Variants in DET1 observed in about 807,000 individuals in gnomAD.
DET1 encodes DET1 homolog.
Under a neutral mutation model 43.7 loss-of-function variants are expected in DET1, and 22 were observed. The observed-to-expected ratio is 0.50, with a 90% CI of 0.36 to 0.72. DET1 has a LOEUF of 0.72. DET1 is among the 30% of genes least tolerant of loss of function. DET1 has a pLI of 0.00. For missense variants in DET1, 713 were observed against 713.3 expected (o/e 1.00, Z 0.00); for synonymous variants, 315 against 266.2 (o/e 1.18, Z -1.79).
chr15:88,513,931 C>G (rs2056271127), intron 4 of DET1, among the ~76,000 whole-genome samples: 1 of 148,708 alleles, frequency 6.7e-6, no homozygotes, highest in Non-Finnish European at 1.5e-5. Context: ...TCCCGAGTAG[C>G]TGGGACTACA....
At chr15:88,532,368 G>C (rs1166117256) in intron 1 of DET1, among the ~76,000 whole-genome samples, 2 of 152,142 alleles carry the variant, frequency 1.3e-5, no homozygotes, top group African/African-American at 4.8e-5. Flanking sequence ...TTATTGGGCT[G>C]TTAAGATATC....
At chr15:88,539,057 G>A (rs1298341694) in intron 1 of DET1, among the ~76,000 whole-genome samples, 1 of 151,798 alleles carries the variant, frequency 6.6e-6, no homozygotes, top group African/African-American at 2.4e-5. Context: ...TGAAGACCCA[G>A]GATGCTGGGG....
At chr15:88,541,542 G>A (rs114057174) in intron 1 of DET1, among the ~76,000 whole-genome samples, 2,508 of 152,178 alleles carry the variant, frequency 0.016, 77 homozygotes, top group African/African-American at 0.056. Context: ...AGAGAATTAC[G>A]GAGTCTGCCT....
At chr15:88,541,635 C>G (rs537522568) in intron 1 of DET1, among the ~76,000 whole-genome samples, 1 of 152,296 alleles carries the variant, frequency 6.6e-6, no homozygotes, top group African/African-American at 2.4e-5. Context: ...ATCATTGAAT[C>G]CTACAATTGT....
chr15:88,536,770 C>CAAAAAAAAAAAAAAA (rs58177778), intron 1 of DET1, among the ~76,000 whole-genome samples: 7 of 48,068 alleles, frequency 1.5e-4, no homozygotes, highest in South Asian at 1.8e-3. Context: ...GACTCCATCT[C>CAAAAAAAAAAAAAAA]AAAAAAAAAA....
At position 88,504,153 on chromosome 15, in the gene DET1, A is replaced by C. The variant is rs1325579135; in HGVS notation, c.*2066-166T>G. The C allele has an allele frequency of 6.6e-6, 1 of 152,206 alleles. No homozygotes were observed. Among genetic ancestry groups the C allele is most frequent in the Admixed American group, 6.5e-5 (1 of 15,268 alleles). 9.4% of individuals were successfully genotyped at this position (152,206 alleles called of 1,614,324 possible). ...GACTGGATTCCAGGATATTTCATTC[A>C]CATGGCTATCAGCAGGAAGCCTCAG... On this transcript the variant is annotated intron_variant and NMD_transcript_variant, in intron 7 of 8. Coordinates refer to the DET1 transcript ENST00000557842. The surrounding 1 kb of genome is among the most constrained non-coding windows in gnomAD (Gnocchi z 4.7).
chr15:88,531,939 C>A lies in DET1; in HGVS notation c.-10-224G>T. The A allele has an allele frequency of 1.9e-6, 1 of 513,644 alleles. No homozygotes were observed. The highest frequency in any genetic ancestry group is 3.4e-6 in the Non-Finnish European group (1 of 293,704). 31.8% of individuals were successfully genotyped at this position (513,644 alleles called of 1,614,324 possible). On this transcript the variant is annotated intron_variant, in intron 1 of 4. Transcript: ENST00000268148. The surrounding 1 kb of genome is among the most constrained non-coding windows in gnomAD (Gnocchi z 6.2). ...GAAGGATCTAGTTCACTAGGAATAC[C>A]TTCCAAGTATGCTCAGCTGTTGGGA... is the stretch of plus-strand genomic sequence containing the variant.
In DET1 at chr15:88,513,839, G is replaced by A. The variant is rs866977411; in HGVS notation, c.1464-699C>T. On this transcript the variant is annotated intron_variant, in intron 4 of 4. Transcript: ENST00000268148. ...TTTTGAGACGGAGTCTCGCTCTGTCGCCCAGGCTGGAGTGCAGTGGCGCGA... is the reference window on the plus strand; with the variant it reads ...TTTTGAGACGGAGTCTCGCTCTGTCACCCAGGCTGGAGTGCAGTGGCGCGA... Among the ~76,000 whole-genome samples the A allele has an allele frequency of 1.5e-3, 172 of 115,104 alleles. 2 individuals carry two copies. The highest frequency in any genetic ancestry group is 6.1e-3 in the African/African-American group (170 of 28,012). The allele number at this position is 115,104 out of a possible 152,430, so 75.5% of individuals were successfully genotyped here.
chr15:88,509,212 A>T (rs979251463), downstream of DET1, among the ~76,000 whole-genome samples: 9 of 152,098 alleles, frequency 5.9e-5, no homozygotes, highest in Non-Finnish European at 1.3e-4. Flanking sequence ...CCCAGGCTGG[A>T]GTAGTGAGGC....
chr15:88,538,159 A>G (rs553195390), intron 1 of DET1, among the ~76,000 whole-genome samples: 1 of 152,238 alleles, frequency 6.6e-6, no homozygotes, highest in African/African-American at 2.4e-5. Flanking sequence ...GGTTTTTACT[A>G]ACTCTGTTTT....
intron 1 of DET1, among the ~76,000 whole-genome samples, chr15:88,533,276 A>C (rs1477304048): frequency 6.6e-6 from 1 of 152,234 alleles, no homozygotes; most frequent in Non-Finnish European, 1.5e-5. Flanking sequence ...TTTTTAAAAA[A>C]AGAAAATGAC....
chr15:88,537,442 C>A (rs1028028074), intron 1 of DET1, among the ~76,000 whole-genome samples: 1 of 152,176 alleles, frequency 6.6e-6, no homozygotes, highest in Admixed American at 6.5e-5. Context: ...CTCAAGTGAT[C>A]TTTCTGCCTT....
At chr15:88,528,322 C>T (rs1257516048) in intron 2 of DET1, among the ~76,000 whole-genome samples, 1 of 152,184 alleles carries the variant, frequency 6.6e-6, no homozygotes, top group African/African-American at 2.4e-5. Context: ...ATTTTTCCCT[C>T]TTAATATTTC....
chr15:88,506,640 C>T (rs765936984), intron 7 of DET1, among the ~76,000 whole-genome samples: 9 of 152,174 alleles, frequency 5.9e-5, no homozygotes, highest in Non-Finnish European at 7.3e-5. Flanking sequence ...TACAAAGGAA[C>T]ACTTCATGAC....
At chr15:88,525,134 T>C (rs1393501597) in intron 3 of DET1, among the ~76,000 whole-genome samples, 1 of 152,194 alleles carries the variant, frequency 6.6e-6, no homozygotes, top group Non-Finnish European at 1.5e-5. Flanking sequence ...GCTGTGAATT[T>C]TTCATATAAA....
chr15:88,515,133 C>A (rs1192601484), intron 4 of DET1, among the ~76,000 whole-genome samples: 1 of 152,014 alleles, frequency 6.6e-6, no homozygotes, highest in African/African-American at 2.4e-5. Context: ...AATACTATCC[C>A]AGGGATGTAA....
At chr15:88,514,078 C>T (rs943363873) in intron 4 of DET1, among the ~76,000 whole-genome samples, 1 of 152,088 alleles carries the variant, frequency 6.6e-6, no homozygotes, top group Non-Finnish European at 1.5e-5. Context: ...GGATTACAGG[C>T]GTGAGCCACC....
At chr15:88,512,445 G>C (rs2056218310), downstream of DET1, 2 of 986,002 alleles carry the variant, frequency 2.0e-6, no homozygotes, top group Non-Finnish European at 2.4e-6. Flanking sequence ...CATTGAGTAT[G>C]ATAGGAACAT....
intron 4 of DET1, among the ~76,000 whole-genome samples, chr15:88,513,376 T>C (rs2056246935): frequency 6.6e-6 from 1 of 152,212 alleles, no homozygotes; most frequent in Non-Finnish European, 1.5e-5. Flanking sequence ...TGGTCATTTC[T>C]CTTTCCTGAG....
Sources: gnomAD v4.1 joint callset for allele counts (sites outside exome capture counted in the v4.1 genomes callset) on GRCh38, gnomAD v4.1.1 for gene constraint, Gnocchi (gnomAD v3.1) non-coding constraint, MANE v1.5 for transcripts, NCBI Gene and HGNC (gene_info 2026-07-23, HGNC 2026-07-21) for gene names.